DSCAM: variants seen among roughly 807,000 people sequenced by gnomAD.
The protein encoded by DSCAM is DS cell adhesion molecule.
A neutral mutation model predicts 217.7 loss-of-function variants in DSCAM; 47 were observed. The ratio of observed to expected loss-of-function variants is 0.22; its 90% CI spans 0.17 to 0.28. DSCAM has a LOEUF of 0.28. Among genes scored for constraint, DSCAM ranks in the 10% least tolerant of loss-of-function variants. The probability of loss-of-function intolerance (pLI) is 1.00; values close to 1 mark genes in which losing one functional copy is unlikely to be tolerated. For missense variants in DSCAM, 2,080 were observed against 2,618.3 expected (o/e 0.79, Z 4.49); for synonymous variants, 1,056 against 1,015.3 (o/e 1.04, Z -0.76).
At chr21:40,093,626 T>G (rs2089638406) in intron 21 of DSCAM, 95 bp downstream of exon 21, 4 of 1,436,864 alleles carry the variant, frequency 2.8e-6, no homozygotes, top group Non-Finnish European at 3.8e-6. Flanking sequence ...GTTTATTTGA[T>G]TTTTAGGAAA....
chr21:40,624,721 AATATT>A (rs2089575811), intron 3 of DSCAM, among the ~76,000 whole-genome samples: 1 of 152,222 alleles, frequency 6.6e-6, no homozygotes, highest in South Asian at 2.1e-4. Context: ...AGAAAAAAGA[AATATT>A]AGATTAGGAA....
intron 3 of DSCAM, among the ~76,000 whole-genome samples, chr21:40,627,881 C>A (rs1440323969): frequency 6.6e-6 from 1 of 152,198 alleles, no homozygotes; most frequent in African/African-American, 2.4e-5. Context: ...ACTACTCTTT[C>A]CCATTCTTGG....
intron 11 of DSCAM, among the ~76,000 whole-genome samples, chr21:40,218,278 G>C (rs2091261333): frequency 6.6e-6 from 1 of 152,154 alleles, no homozygotes; most frequent in South Asian, 2.1e-4. Context: ...GTTTTTGTCA[G>C]CTTTATCAAT....
chr21:40,727,669 C>T (rs1280667972), intron 1 of DSCAM, among the ~76,000 whole-genome samples: 1 of 152,140 alleles, frequency 6.6e-6, no homozygotes, highest in African/African-American at 2.4e-5. Flanking sequence ...CCCAATGGGT[C>T]TCTCTGCTTC....
chr21:40,844,811 C>T (rs2092131229), intron 1 of DSCAM, among the ~76,000 whole-genome samples: 1 of 151,922 alleles, frequency 6.6e-6, no homozygotes, highest in South Asian at 2.1e-4. Flanking sequence ...ATACAAAATG[C>T]TAAAACTGTA....
chr21:40,022,500 A>T (rs960667483), intron 32 of DSCAM, among the ~76,000 whole-genome samples: 1 of 152,248 alleles, frequency 6.6e-6, no homozygotes, highest in East Asian at 1.9e-4. Context: ...CCTCAGCCTC[A>T]GAATACTAGT....
intron 1 of DSCAM, among the ~76,000 whole-genome samples, chr21:40,812,062 C>A (rs1429885910): frequency 6.6e-6 from 1 of 152,114 alleles, no homozygotes; most frequent in Non-Finnish European, 1.5e-5. Context: ...CAGGAGAAGG[C>A]ATAGAGGTTT....
chr21:40,187,376 G>A lies in DSCAM; in HGVS notation c.2651-117C>T, dbSNP rs547463314. ...TTGTCTGCATTAGACAAGAACAGAAGCTTTTTATTTGGAAGCATTTTCTTT... is the reference window on the plus strand; with the variant it reads ...TTGTCTGCATTAGACAAGAACAGAAACTTTTTATTTGGAAGCATTTTCTTT... On this transcript the variant is annotated intron_variant, in intron 13 of 32. Coordinates refer to ENST00000400454, the MANE Select transcript of DSCAM (RefSeq NM_001389.5). The A allele has an allele frequency of 5.1e-5, 67 of 1,319,926 alleles. No individual in the cohort carries two copies. The African/African-American group carries it at 8.3e-4, about 16-fold the overall frequency. The allele number at this position is 1,319,926 out of a possible 1,614,324, so 81.8% of individuals were successfully genotyped here. A position where few individuals can be genotyped will look rare whatever the true frequency, so the allele number is the denominator to read the frequency against.
At chr21:40,046,790 T>C (rs902089747) in intron 30 of DSCAM, among the ~76,000 whole-genome samples, 11 of 151,932 alleles carry the variant, frequency 7.2e-5, no homozygotes, top group African/African-American at 2.4e-4. Flanking sequence ...TTGGGGGGTA[T>C]AGTTTGCTAG....
chr21:40,645,669 T>C (rs1224012883), intron 3 of DSCAM, among the ~76,000 whole-genome samples: 2 of 152,186 alleles, frequency 1.3e-5, no homozygotes, highest in Non-Finnish European at 2.9e-5. Flanking sequence ...TCCAATTCTC[T>C]ATCTGAGGTA....
chr21:40,167,077 TA>T, intron 16 of DSCAM, 140 bp downstream of exon 16: 1 of 681,984 alleles, frequency 1.5e-6, no homozygotes, highest in Non-Finnish European at 2.5e-6. Flanking sequence ...TACTGCATTT[TA>T]AGAAAAGGGC....
intron 15 of DSCAM, among the ~76,000 whole-genome samples, chr21:40,177,813 G>A (rs1214128625): frequency 1.3e-5 from 2 of 152,232 alleles, no homozygotes; most frequent in Admixed American, 1.3e-4. Flanking sequence ...TGCTGTTAAT[G>A]AGGGTAGCAG....
At chr21:40,282,707 T>G (rs2123403842) in intron 10 of DSCAM, among the ~76,000 whole-genome samples, 1 of 151,990 alleles carries the variant, frequency 6.6e-6, no homozygotes. Context: ...TTTGAAAAAT[T>G]TACATGAATA....
At chr21:40,472,322 G>A (rs1260477282) in intron 3 of DSCAM, among the ~76,000 whole-genome samples, 1 of 152,146 alleles carries the variant, frequency 6.6e-6, no homozygotes, top group African/African-American at 2.4e-5. Context: ...TGAAGAAGAT[G>A]GGTGTACATT....
intron 18 of DSCAM, among the ~76,000 whole-genome samples, chr21:40,134,285 C>CA (rs953535624): frequency 6.6e-6 from 1 of 152,124 alleles, no homozygotes; most frequent in African/African-American, 2.4e-5. Context: ...TAAGTGTTAT[C>CA]AACCCAAGGC....
intron 3 of DSCAM, among the ~76,000 whole-genome samples, chr21:40,483,649 ATTAT>A (rs1207291884): frequency 1.3e-5 from 2 of 152,308 alleles, no homozygotes; most frequent in African/African-American, 4.8e-5. Context: ...TTTGTTGGAA[ATTAT>A]TTATATATAA....
intron 3 of DSCAM, among the ~76,000 whole-genome samples, chr21:40,592,576 C>T (rs1478121187): frequency 6.6e-6 from 1 of 152,176 alleles, no homozygotes; most frequent in Non-Finnish European, 1.5e-5. Flanking sequence ...TCCTGTTCTT[C>T]CAATACACCA....
chr21:40,558,126 T>C (rs956972489), intron 3 of DSCAM, among the ~76,000 whole-genome samples: 2 of 152,216 alleles, frequency 1.3e-5, no homozygotes, highest in African/African-American at 4.8e-5. Context: ...TCTCAGATAC[T>C]TTCCATCACA....
At chr21:40,757,577 C>T (rs2091288679) in intron 1 of DSCAM, among the ~76,000 whole-genome samples, 1 of 152,194 alleles carries the variant, frequency 6.6e-6, no homozygotes, top group Non-Finnish European at 1.5e-5. Flanking sequence ...TTGTGGCTTC[C>T]TGGGACATGG....
Sources: gnomAD v4.1 joint callset for allele counts (sites outside exome capture counted in the v4.1 genomes callset) on GRCh38, gnomAD v4.1.1 for gene constraint, MANE v1.5 for transcripts, NCBI Gene and HGNC (gene_info 2026-07-23, HGNC 2026-07-21) for gene names.